DNER: variants seen among roughly 807,000 people sequenced by gnomAD.
DNER encodes delta/notch like EGF repeat containing.
A neutral mutation model predicts 78.2 loss-of-function variants in DNER; 33 were observed. The ratio of observed to expected loss-of-function variants is 0.42; its 90% CI spans 0.32 to 0.56. DNER has a LOEUF of 0.56. DNER is among the 20% of genes least tolerant of loss of function. DNER has a pLI of 0.11. For synonymous variants in DNER, 417 were observed against 384.8 expected (o/e 1.08, Z -0.98); for missense variants, 918 against 975.3 (o/e 0.94, Z 0.78).
At chr2:229,699,083 T>C (rs1023621032) in intron 1 of DNER, among the ~76,000 whole-genome samples, 1 of 152,204 alleles carries the variant, frequency 6.6e-6, no homozygotes, top group African/African-American at 2.4e-5. Flanking sequence ...GAACATTGTT[T>C]GAAATCAGAC....
chr2:229,400,967 G>A (rs1031492122), intron 10 of DNER, among the ~76,000 whole-genome samples: 2 of 152,038 alleles, frequency 1.3e-5, no homozygotes, highest in African/African-American at 4.8e-5. Context: ...AAATCTCATT[G>A]ACAGTATGTA....
At chr2:229,397,355 C>A (rs1293914601) in intron 10 of DNER, among the ~76,000 whole-genome samples, 11 of 149,116 alleles carry the variant, frequency 7.4e-5, no homozygotes, top group African/African-American at 2.7e-4. Flanking sequence ...ATGCAGAAAA[C>A]AAAACTCCCA....
intron 8 of DNER, among the ~76,000 whole-genome samples, chr2:229,445,778 TCC>T (rs1694329311): frequency 1.6e-5 from 2 of 126,662 alleles, no homozygotes; most frequent in Non-Finnish European, 3.4e-5. Context: ...TCTCTCTCTC[TCC>T]TCGCTCTCTG....
At chr2:229,452,428 G>T (rs1694476219) in intron 7 of DNER, among the ~76,000 whole-genome samples, 1 of 152,060 alleles carries the variant, frequency 6.6e-6, no homozygotes. Flanking sequence ...GATACAGAGG[G>T]TGGATCAGGT....
chr2:229,592,132 A>G (rs1451771749), intron 1 of DNER, among the ~76,000 whole-genome samples: 1 of 152,156 alleles, frequency 6.6e-6, no homozygotes, highest in East Asian at 1.9e-4. Context: ...CCTCCTCAAA[A>G]CCCAAAACAC....
rs58809747 is a variant in DNER at position 229,430,687 on chromosome 2, A to AATATATATATAT, written c.1487-12469_1487-12458dup. On this transcript the variant is annotated intron_variant, in intron 8 of 12. Transcript: ENST00000341772. ...TGATCGTGTGACTTAATACTTAGTAAATATATATATATATATATATTCCAT... is the reference window on the plus strand; with the variant it reads ...TGATCGTGTGACTTAATACTTAGTAAATATATATATATATATATATATATATATATATTCCAT... Among the ~76,000 whole-genome samples, 317 of 144,630 alleles carry AATATATATATAT rather than the reference A, an allele frequency of 2.2e-3. 1 individual carries two copies. Among genetic ancestry groups the AATATATATATAT allele is most frequent in the South Asian group, 4.7e-3 (21 of 4,450 alleles). The allele number at this position is 144,630 out of a possible 152,430, so 94.9% of individuals were successfully genotyped here.
intron 1 of DNER, among the ~76,000 whole-genome samples, chr2:229,677,843 T>A (rs1699321446): frequency 6.6e-6 from 1 of 152,246 alleles, no homozygotes; most frequent in South Asian, 2.1e-4. Flanking sequence ...GAGCTCATGA[T>A]TGTTCTCTTA....
chr2:229,424,432 T>A (rs547257843), intron 8 of DNER, among the ~76,000 whole-genome samples: 1 of 152,342 alleles, frequency 6.6e-6, no homozygotes, highest in East Asian at 1.9e-4. Flanking sequence ...AGGGCTCCCA[T>A]GAAAATACTA....
intron 11 of DNER, among the ~76,000 whole-genome samples, chr2:229,378,277 C>A (rs1692654280): frequency 6.6e-6 from 1 of 152,126 alleles, no homozygotes; most frequent in Admixed American, 6.5e-5. Context: ...TTAAGCCACT[C>A]AATTTGTGGT....
intron 7 of DNER, among the ~76,000 whole-genome samples, chr2:229,448,190 A>C (rs1028955663): frequency 6.6e-6 from 1 of 152,208 alleles, no homozygotes. Flanking sequence ...AGCAATAAAA[A>C]AAAAAATAAG....
intron 6 of DNER, among the ~76,000 whole-genome samples, chr2:229,501,333 T>TAA (rs1008239500): frequency 1.4e-5 from 2 of 143,236 alleles, no homozygotes; most frequent in Non-Finnish European, 1.5e-5. Flanking sequence ...TATGTTAGGT[T>TAA]AAAAAAAAAA....
At chr2:229,398,493 T>C (rs2106340492) in intron 10 of DNER, among the ~76,000 whole-genome samples, 1 of 152,276 alleles carries the variant, frequency 6.6e-6, no homozygotes, top group East Asian at 1.9e-4. Context: ...TCGCAACTTA[T>C]TCCAAGAAGC....
intron 8 of DNER, among the ~76,000 whole-genome samples, chr2:229,432,061 A>G (rs1488732889): frequency 6.6e-6 from 1 of 152,198 alleles, no homozygotes; most frequent in Non-Finnish European, 1.5e-5. Flanking sequence ...TTGTAATACC[A>G]TGATTAAAGC....
intron 1 of DNER, among the ~76,000 whole-genome samples, chr2:229,629,684 T>C (rs1458769296): frequency 6.6e-6 from 1 of 152,200 alleles, no homozygotes; most frequent in Non-Finnish European, 1.5e-5. Context: ...ACAATTTTGA[T>C]TCATTTACCC....
Position 229,388,378 on chromosome 2 carries a change from T to G in DNER, c.1742A>C (p.Asp581Ala). ...GGGGTTACTGTCACATTCATTTATG[T>G]CAATGTCGCACTCTTCACCTAGGGA... is the stretch of plus-strand genomic sequence containing the variant. ...PGFTGEECDIDINECDSNPCH... is the reference protein window; with the variant it reads ...PGFTGEECDIAINECDSNPCH... The change falls in exon 11 of 13, where the codon GAC becomes GCC. Residue 581 changes from aspartate to alanine, a missense_variant. Coordinates refer to ENST00000341772, the MANE Select transcript of DNER (RefSeq NM_139072.4). The G allele has an allele frequency of 6.2e-7, 1 of 1,611,336 alleles. No individual in the cohort carries two copies. The highest frequency in any genetic ancestry group is 8.5e-7 in the Non-Finnish European group (1 of 1,178,728).
At chr2:229,466,361 T>C (rs1694806000) in intron 7 of DNER, among the ~76,000 whole-genome samples, 1 of 152,198 alleles carries the variant, frequency 6.6e-6, no homozygotes, top group Admixed American at 6.5e-5. Flanking sequence ...CTTTTCTCTC[T>C]TCCTGAAAGA....
At position 229,591,481 on chromosome 2, in the gene DNER, A is replaced by G; in HGVS notation, c.585+99T>C. 7.1e-7 allele frequency: 1 copy of G among 1,402,476 alleles called. No homozygotes were observed. The highest frequency in any genetic ancestry group is 1.5e-5 in the South Asian group (1 of 66,212). The allele number at this position is 1,402,476 out of a possible 1,614,324, so 86.9% of individuals were successfully genotyped here. On this transcript the variant is annotated intron_variant, in intron 2 of 12. Transcript: ENST00000341772. The surrounding 1 kb of genome is among the most constrained non-coding windows in gnomAD (Gnocchi z 4.6). ...GATATTTTGCTTCGTGATTTAACTTAAAATGCTTTCATTTTTAATTGCTGA... is the reference window on the plus strand; with the variant it reads ...GATATTTTGCTTCGTGATTTAACTTGAAATGCTTTCATTTTTAATTGCTGA...
rs565379142 is a variant in DNER at position 229,479,210 on chromosome 2, G to A, written c.1148-1957C>T. Among the ~76,000 whole-genome samples the A allele has an allele frequency of 6.7e-4, 102 of 152,244 alleles. 1 individual carries two copies. In the Middle Eastern group the frequency reaches 0.034, roughly 51 times the overall value. ...ACCCCATTTAACAAATGAGGAAACC[G>A]AGGATTATGAAGGTTAAGTAATTTG... On this transcript the variant is annotated intron_variant, in intron 6 of 12. Transcript: ENST00000341772.
rs774370429 is a variant in DNER, at chr2:229,418,152, T to C, written c.1565A>G (p.Asp522Gly). 6.2e-7 allele frequency: 1 copy of C among 1,614,172 alleles called. No individual in the cohort carries two copies. The highest frequency in any genetic ancestry group is 1.3e-5 in the African/African-American group (1 of 75,068). ...CACACACTCATAGCCATTAACGAGG[T>C]CCCTGCAGGTGGCTGCATTCAGGCA... Reference protein sequence around the residue: ...APCLNAATCRDLVNGYECVCL... With the variant: ...APCLNAATCRGLVNGYECVCL... Residue 522 changes from aspartate to glycine, a missense_variant, in exon 9 of 13, where the codon GAC becomes GGC. Transcript: ENST00000341772.
Sources: gnomAD v4.1 joint callset for allele counts (sites outside exome capture counted in the v4.1 genomes callset) on GRCh38, gnomAD v4.1.1 for gene constraint, Gnocchi (gnomAD v3.1) non-coding constraint, MANE v1.5 for transcripts, NCBI Gene and HGNC (gene_info 2026-07-23, HGNC 2026-07-21) for gene names.